The following CSMD1 variants were observed in gnomAD, a reference collection of about 807,000 sequenced individuals.
The protein encoded by CSMD1 is CUB and sushi domain-containing protein 1.
A neutral mutation model predicts 417.5 loss-of-function variants in CSMD1; 213 were observed. The observed-to-expected ratio is 0.51, with a 90% confidence interval of 0.46 to 0.57. CSMD1 has a LOEUF of 0.57. Ranked by LOEUF, CSMD1 falls within the 20% of genes least tolerant of loss-of-function variation. CSMD1 has a pLI of 0.00. For missense variants in CSMD1, 6,923 were observed against 4,529.7 expected (o/e 1.53, Z -15.17); for synonymous variants, 2,862 against 1,736.8 (o/e 1.65, Z -16.11).
At chr8:4,480,965 A>G (rs181767856) in intron 2 of CSMD1, among the ~76,000 whole-genome samples, 83 of 152,320 alleles carry the variant, frequency 5.4e-4, no homozygotes, top group Non-Finnish European at 9.1e-4. Flanking sequence ...AGTCTTCCCC[A>G]GGTGATTCTT....
At chr8:4,462,405 G>A (rs1284649883) in intron 2 of CSMD1, among the ~76,000 whole-genome samples, 1 of 151,980 alleles carries the variant, frequency 6.6e-6, no homozygotes, top group East Asian at 1.9e-4. Flanking sequence ...ATATAGATAA[G>A]ATGGCAATAC....
chr8:3,265,715 C>A (rs1487099907), intron 26 of CSMD1, among the ~76,000 whole-genome samples: 1 of 152,116 alleles, frequency 6.6e-6, no homozygotes, highest in African/African-American at 2.4e-5. Context: ...GTTTTTTTCT[C>A]AAAGCAGGGC....
rs1801664788 is a variant in CSMD1 at position 3,607,271 on chromosome 8, G to A, written c.1097+9439C>T. Among the ~76,000 whole-genome samples the A allele has an allele frequency of 2.0e-5, 3 of 152,150 alleles. No homozygotes were observed. The South Asian group carries it at 6.2e-4, about 32-fold the overall frequency. On this transcript the variant is annotated intron_variant, in intron 8 of 69. Transcript: ENST00000635120. ...GCTTGTCCCACTGGGAAGTCTTCAG[G>A]GGCAAGGACACACATAAATGAAGCT...
intron 12 of CSMD1, among the ~76,000 whole-genome samples, chr8:3,442,032 T>C (rs1177893279): frequency 6.6e-6 from 1 of 151,626 alleles, no homozygotes. Flanking sequence ...TGTTTGTGTA[T>C]TAGTTTTAAA....
At chr8:4,799,159 C>G (rs1798143676) in intron 1 of CSMD1, among the ~76,000 whole-genome samples, 1 of 152,086 alleles carries the variant, frequency 6.6e-6, no homozygotes, top group South Asian at 2.1e-4. Flanking sequence ...GATGTGCTTA[C>G]ATAAAGTCAC....
chr8:4,150,102 G>T (rs982471088), intron 3 of CSMD1, among the ~76,000 whole-genome samples: 1 of 152,142 alleles, frequency 6.6e-6, no homozygotes, highest in African/African-American at 2.4e-5. Context: ...GTTTTTTAAG[G>T]GAGTGTATTT....
chr8:3,564,422 C>T lies in CSMD1; in HGVS notation c.1344+10523G>A, dbSNP rs74633357. On this transcript the variant is annotated intron_variant, in intron 10 of 69. Coordinates refer to ENST00000635120, the MANE Select transcript of CSMD1 (RefSeq NM_033225.6). ...TGCTAAATAGTTGCAAGTCTATTGTCTACAGCTGTGCTGTTATTCTTTACC... is the reference window on the plus strand; with the variant it reads ...TGCTAAATAGTTGCAAGTCTATTGTTTACAGCTGTGCTGTTATTCTTTACC... Among the ~76,000 whole-genome samples the T allele has an allele frequency of 1.3e-3, 202 of 152,142 alleles. 5 individuals are homozygous for T. In the East Asian group the frequency reaches 0.031, roughly 24 times the overall value.
chr8:4,770,697 A>G (rs1192213813), intron 1 of CSMD1, among the ~76,000 whole-genome samples: 2 of 149,084 alleles, frequency 1.3e-5, no homozygotes, highest in Non-Finnish European at 3.0e-5. Flanking sequence ...GAGTACAAAA[A>G]GGATACAATG....
intron 1 of CSMD1, among the ~76,000 whole-genome samples, chr8:4,962,525 A>C (rs1248610613): frequency 6.6e-6 from 1 of 152,162 alleles, no homozygotes; most frequent in Non-Finnish European, 1.5e-5. Context: ...TTCTGTTTTT[A>C]TCTTATGAAG....
At chr8:3,812,746 G>T (rs564264267) in intron 5 of CSMD1, among the ~76,000 whole-genome samples, 2 of 152,236 alleles carry the variant, frequency 1.3e-5, no homozygotes, top group African/African-American at 4.8e-5. Flanking sequence ...ATCTCCCCAA[G>T]TCTTGCCTAT....
chr8:4,414,718 T>G (rs1434473563), intron 3 of CSMD1, among the ~76,000 whole-genome samples: 1 of 152,208 alleles, frequency 6.6e-6, no homozygotes, highest in African/African-American at 2.4e-5. Flanking sequence ...TATGAACTAC[T>G]AGAAAAAGTT....
intron 42 of CSMD1, chr8:3,113,191 G>C (rs912648974): frequency 2.0e-5 from 3 of 152,244 alleles, no homozygotes; most frequent in African/African-American, 7.2e-5. Context: ...GAGCACAGCA[G>C]GTACCTCCCA....
At chr8:4,306,663 G>A (rs1394476) in intron 3 of CSMD1, among the ~76,000 whole-genome samples, 3 of 151,852 alleles carry the variant, frequency 2.0e-5, no homozygotes, top group East Asian at 2.0e-4. Context: ...ATCACATGTA[G>A]GTGATTGTAC....
chr8:3,114,884 AAAG>A (rs140673670), intron 42 of CSMD1, among the ~76,000 whole-genome samples: 10,662 of 152,148 alleles, frequency 0.07, 674 homozygotes, highest in East Asian at 0.36. Flanking sequence ...TGTCAAATTC[AAAG>A]AAGCTGTTAA....
intron 10 of CSMD1, among the ~76,000 whole-genome samples, chr8:3,536,525 T>C (rs1294306438): frequency 2.6e-5 from 4 of 152,212 alleles, no homozygotes; most frequent in Admixed American, 2.6e-4. Flanking sequence ...TCTTCGAGGA[T>C]TGGCCTCCAT....
chr8:4,670,864 T>A (rs1232219307), intron 1 of CSMD1, among the ~76,000 whole-genome samples: 1 of 152,200 alleles, frequency 6.6e-6, no homozygotes, highest in Non-Finnish European at 1.5e-5. Flanking sequence ...TGTTTGGTGG[T>A]GGCATGTTTT....
intron 1 of CSMD1, among the ~76,000 whole-genome samples, chr8:4,786,552 A>G (rs936148245): frequency 6.6e-6 from 1 of 152,190 alleles, no homozygotes; most frequent in African/African-American, 2.4e-5. Flanking sequence ...CAAGATGCTT[A>G]TATTTAGAGA....
Position 3,662,978 on chromosome 8 carries a change from A to C in CSMD1, c.1009+45436T>G, listed in dbSNP as rs142379935. Among the ~76,000 whole-genome samples, 826 of 152,264 alleles carry C rather than the reference A, an allele frequency of 5.4e-3. 14 individuals are homozygous for C. The East Asian group carries it at 0.078, about 14-fold the overall frequency. On this transcript the variant is annotated intron_variant, in intron 7 of 69. Transcript: ENST00000635120. ...TATGTAACAAACCTGCAGGTTCTGC[A>C]CAAGTATCCCAGAACTTAAAGTAAA...
At chr8:3,400,252 G>C (rs1395434751) in intron 15 of CSMD1, among the ~76,000 whole-genome samples, 3 of 152,016 alleles carry the variant, frequency 2.0e-5, no homozygotes, top group Non-Finnish European at 2.9e-5. Flanking sequence ...TATGTCCCTG[G>C]CCACATGTTT....
Sources: allele counts gnomAD v4.1 joint callset (sites outside exome capture counted in the v4.1 genomes callset), GRCh38; gene constraint gnomAD v4.1.1; transcripts MANE v1.5; gene names NCBI Gene and HGNC (gene_info 2026-07-23, HGNC 2026-07-21).